Variants in NRG3 observed in about 807,000 individuals in gnomAD.
NRG3 encodes neuregulin 3.
A neutral mutation model predicts 66.9 loss-of-function variants in NRG3; 31 were observed. The observed-to-expected ratio is 0.46, with a 90% CI of 0.35 to 0.63. NRG3 has a LOEUF of 0.63. NRG3 is among the 20% of genes least tolerant of loss of function. The pLI, the probability that NRG3 is intolerant of heterozygous loss-of-function variation, is 0.00. For missense variants in NRG3, 910 were observed against 878.9 expected (o/e 1.04, Z -0.45); for synonymous variants, 393 against 359.4 (o/e 1.09, Z -1.06).
chr10:82,101,073 CT>C (rs2066698067), intron 1 of NRG3, among the ~76,000 whole-genome samples: 1 of 151,810 alleles, frequency 6.6e-6, no homozygotes, highest in African/African-American at 2.4e-5. Flanking sequence ...GCTAATTTGC[CT>C]CACTCAAGGA....
At chr10:82,213,242 A>G (rs1446378758) in intron 1 of NRG3, among the ~76,000 whole-genome samples, 2 of 152,224 alleles carry the variant, frequency 1.3e-5, no homozygotes, top group African/African-American at 4.8e-5. Flanking sequence ...AGTAGAAAAG[A>G]ATAAAATACA....
chr10:82,307,820 A>G (rs2080825999), intron 1 of NRG3, among the ~76,000 whole-genome samples: 1 of 151,702 alleles, frequency 6.6e-6, no homozygotes, highest in Admixed American at 6.6e-5. Context: ...TTTGCCAGCT[A>G]ATATTTAGAT....
At chr10:82,954,830 G>C (rs1849880023) in intron 5 of NRG3, among the ~76,000 whole-genome samples, 1 of 149,050 alleles carries the variant, frequency 6.7e-6, no homozygotes, top group Admixed American at 6.7e-5. Context: ...GTGTGTGTGT[G>C]AATTCGTGGA....
rs188940827 is a variant in NRG3, at chr10:81,928,412, T to C, written c.823+52249T>C. On this transcript the variant is annotated intron_variant, in intron 1 of 8. Transcript: ENST00000372141. ...ATGTAGACCCAGCATTAGGACCAAC[T>C]ACATTTGGGTCTTAAAAACCTCAAA... Among the ~76,000 whole-genome samples the C allele has an allele frequency of 1.2e-3, 178 of 152,310 alleles. 1 individual carries two copies. Among genetic ancestry groups the C allele is most frequent in the Middle Eastern group, 0.01 (3 of 294 alleles).
intron 4 of NRG3, among the ~76,000 whole-genome samples, chr10:82,888,012 AATG>A (rs1318043619): frequency 6.6e-6 from 1 of 152,240 alleles, no homozygotes; most frequent in East Asian, 1.9e-4. Context: ...TTTAATTTGT[AATG>A]ATAAGTTTAC....
intron 2 of NRG3, among the ~76,000 whole-genome samples, chr10:82,526,555 T>C (rs1474969732): frequency 6.6e-6 from 1 of 151,800 alleles, no homozygotes; most frequent in African/African-American, 2.4e-5. Flanking sequence ...GTACAAATAG[T>C]AATCAAAAGT....
chr10:82,041,719 C>T (rs2063046741), intron 1 of NRG3, among the ~76,000 whole-genome samples: 1 of 151,716 alleles, frequency 6.6e-6, no homozygotes, highest in Admixed American at 6.6e-5. Flanking sequence ...TGTCTTTCTC[C>T]CTCCTTCTAT....
intron 1 of NRG3, among the ~76,000 whole-genome samples, chr10:82,310,295 G>A (rs1227595281): frequency 6.6e-6 from 1 of 152,218 alleles, no homozygotes. Context: ...GTAAGTCCAA[G>A]AGGTGAATTA....
At chr10:82,883,540 A>G (rs1419734935) in intron 4 of NRG3, among the ~76,000 whole-genome samples, 1 of 152,178 alleles carries the variant, frequency 6.6e-6, no homozygotes, top group Non-Finnish European at 1.5e-5. Flanking sequence ...TGTATATTCT[A>G]ACAACTCTTG....
intron 1 of NRG3, among the ~76,000 whole-genome samples, chr10:82,300,189 C>T (rs1331830788): frequency 6.6e-6 from 1 of 151,988 alleles, no homozygotes; most frequent in Non-Finnish European, 1.5e-5. Context: ...TTTGAGATAC[C>T]TGCTGAAATA....
chr10:82,490,159 A>T (rs1292858814), intron 2 of NRG3, among the ~76,000 whole-genome samples: 1 of 152,206 alleles, frequency 6.6e-6, no homozygotes, highest in African/African-American at 2.4e-5. Flanking sequence ...CTCCCACACC[A>T]GCAGCCAACT....
chr10:82,503,433 G>T (rs904034005), intron 2 of NRG3, among the ~76,000 whole-genome samples: 1 of 152,114 alleles, frequency 6.6e-6, no homozygotes, highest in Non-Finnish European at 1.5e-5. Context: ...AGATGTAAGA[G>T]TTTTACCTCC....
intron 1 of NRG3, among the ~76,000 whole-genome samples, chr10:82,273,075 TC>T (rs1231025677): frequency 6.6e-6 from 1 of 152,106 alleles, no homozygotes; most frequent in East Asian, 1.9e-4. Context: ...ACTTGGACAT[TC>T]CCTTCCATTT....
chr10:82,668,079 C>A (rs1313152616), intron 2 of NRG3, among the ~76,000 whole-genome samples: 1 of 152,256 alleles, frequency 6.6e-6, no homozygotes, highest in South Asian at 2.1e-4. Flanking sequence ...CCCTTATTTT[C>A]TTTCTTCCTT....
intron 1 of NRG3, among the ~76,000 whole-genome samples, chr10:82,261,052 G>A (rs1589505977): frequency 6.6e-6 from 1 of 152,102 alleles, no homozygotes; most frequent in Non-Finnish European, 1.5e-5. Flanking sequence ...GTTCACATGA[G>A]ATCTAGTTGT....
intron 2 of NRG3, among the ~76,000 whole-genome samples, chr10:82,634,591 C>G (rs1188466607): frequency 1.3e-5 from 2 of 152,160 alleles, no homozygotes; most frequent in African/African-American, 4.8e-5. Flanking sequence ...GCTTTCCTCT[C>G]TAATATGTAA....
At chr10:82,594,020 T>A (rs1483144851) in intron 2 of NRG3, among the ~76,000 whole-genome samples, 1 of 152,154 alleles carries the variant, frequency 6.6e-6, no homozygotes, top group Non-Finnish European at 1.5e-5. Context: ...TTGTTTTATG[T>A]CAGACTCAGG....
At chr10:81,958,655 C>T (rs192257745) in intron 1 of NRG3, among the ~76,000 whole-genome samples, 91 of 152,256 alleles carry the variant, frequency 6.0e-4, no homozygotes, top group Middle Eastern at 6.8e-3. Flanking sequence ...GTAATCCCGC[C>T]GAGGTGGGTG....
intron 1 of NRG3, among the ~76,000 whole-genome samples, chr10:81,967,712 G>A (rs2059783815): frequency 6.6e-6 from 1 of 152,014 alleles, no homozygotes; most frequent in South Asian, 2.1e-4. Flanking sequence ...TTCCATAAAA[G>A]TTAATGTCTT....
Sources: allele counts gnomAD v4.1 joint callset (sites outside exome capture counted in the v4.1 genomes callset), GRCh38; gene constraint gnomAD v4.1.1; transcripts MANE v1.5; gene names NCBI Gene and HGNC (gene_info 2026-07-23, HGNC 2026-07-21).